The following MTERF3 variants were observed in gnomAD, a reference collection of about 807,000 sequenced individuals.
The protein encoded by MTERF3 is mitochondrial transcription termination factor 3.
A neutral mutation model predicts 40.5 loss-of-function variants in MTERF3; 40 were observed. That is an observed-to-expected ratio of 0.99 (90% CI 0.77 to 1.29). The LOEUF is 1.29. Among genes scored for constraint, MTERF3 ranks in the 50% most tolerant of loss-of-function variants. MTERF3 has a pLI of 0.00. For missense variants in MTERF3, 452 were observed against 478.2 expected, an observed-to-expected ratio of 0.95 and a Z score of 0.51; for synonymous variants, 158 against 166.6, an observed-to-expected ratio of 0.95 and a Z score of 0.40.
intron 1 of MTERF3, among the ~76,000 whole-genome samples, chr8:96,260,467 T>C (rs917594594): frequency 4.1e-5 from 6 of 147,594 alleles, no homozygotes; most frequent in African/African-American, 1.5e-4. Context: ...GGGGGTGGGG[T>C]CAATAACTAT....
chr8:96,247,414 T>A (rs567468276), intron 4 of MTERF3, among the ~76,000 whole-genome samples: 5 of 152,352 alleles, frequency 3.3e-5, no homozygotes, highest in African/African-American at 7.2e-5. Context: ...ATAACATTTT[T>A]AAAAAATCTA....
rs1248463112 is a variant in MTERF3, at chr8:96,257,183, C to G, written c.335-69G>C. 4 of 1,447,544 alleles carry G rather than the reference C, an allele frequency of 2.8e-6. No homozygotes were observed. In the African/African-American group the frequency reaches 5.7e-5, roughly 21 times the overall value. 89.7% of individuals were successfully genotyped at this position (1,447,544 alleles called of 1,614,324 possible). On this transcript the variant is annotated intron_variant, in intron 2 of 7. Coordinates refer to ENST00000287025, the MANE Select transcript of MTERF3 (RefSeq NM_015942.5). The stretch of plus-strand genomic sequence containing the variant: ...AAAACTATTTCTGCAAAGACCAGCT[C>G]TTCCCTTGTTTGCTTCTTTCAGTGG...
intron 4 of MTERF3, 56 bp downstream of exon 4, chr8:96,250,850 A>G (rs1810168725): frequency 1.3e-6 from 2 of 1,498,302 alleles, no homozygotes; most frequent in Non-Finnish European, 1.8e-6. Flanking sequence ...CCTTCCACAT[A>G]TATTTCCTTC....
Position 96,261,514 on chromosome 8 carries a change from T to G in MTERF3, c.-24A>C, listed in dbSNP as rs1447922336. The G allele has an allele frequency of 6.6e-6, 1 of 152,646 alleles. No homozygotes were observed. Among genetic ancestry groups the G allele is most frequent in the Non-Finnish European group, 1.5e-5 (1 of 68,288 alleles). The allele number at this position is 152,646 out of a possible 1,614,324, so 9.5% of individuals were successfully genotyped here. On this transcript the variant is annotated 5_prime_UTR_variant, in exon 1 of 8. Coordinates refer to ENST00000287025, the MANE Select transcript of MTERF3 (RefSeq NM_015942.5). ...CTCCTGCTTTACCTGTGGCGAGGCCTGCTTCCCGTAGCGGGTGACCCCGGG... is the reference window on the plus strand; with the variant it reads ...CTCCTGCTTTACCTGTGGCGAGGCCGGCTTCCCGTAGCGGGTGACCCCGGG...
chr8:96,239,791 G>A, intron 7 of MTERF3, 106 bp from the exon 8 acceptor site: 2 of 777,986 alleles, frequency 2.6e-6, no homozygotes, highest in South Asian at 1.5e-5. Context: ...ACCAAGTACT[G>A]ACCATGTGTT....
At position 96,243,941 on chromosome 8, in the gene MTERF3, T is replaced by C. The variant is rs1809974755; in HGVS notation, c.1037A>G (p.His346Arg). The C allele has an allele frequency of 4.3e-6, 7 of 1,613,946 alleles. No individual in the cohort carries two copies. The highest frequency in any genetic ancestry group is 5.9e-6 in the Non-Finnish European group (7 of 1,179,932). Residue 346 changes from histidine (H) to arginine (R), a missense_variant, in exon 7 of 8, where the codon CAC (histidine) becomes CGC (arginine). Physicochemically the swap from His to Arg is conservative, Grantham distance 29 (BLOSUM62 0). Coordinates refer to ENST00000287025, the MANE Select transcript of MTERF3 (RefSeq NM_015942.5). ...FVHNVMSIPHHIIVKFPQVFN... is the reference protein window; with the variant it reads ...FVHNVMSIPHRIIVKFPQVFN... ...TACCTGTGGGAACTTGACAATGATG[T>C]GGTGGGGAATGCTCATCACATTGTG...
In MTERF3 at chr8:96,258,366, A is replaced by C. The variant is rs766624978; in HGVS notation, c.325T>G (p.Phe109Val). Residue 109 changes from phenylalanine (F) to valine (V), a missense_variant, in exon 2 of 8, where the codon TTT becomes GTT. By Grantham distance (50) the Phe-to-Val change is conservative. Transcript: ENST00000287025. ...QNISSFDSELFLEELDELPPL... is the reference protein window; with the variant it reads ...QNISSFDSELVLEELDELPPL... ...GAAAGTTCAGAATTACCTTCTAGAA[A>C]CAGCTCAGAATCAAAGCTGGATATA... 6.2e-7 allele frequency: 1 copy of C among 1,607,662 alleles called. No homozygotes were observed. Among genetic ancestry groups the C allele is most frequent in the Non-Finnish European group, 8.5e-7 (1 of 1,175,084 alleles).
At position 96,246,330 on chromosome 8, in the gene MTERF3, C is replaced by G. The variant is rs768887665; in HGVS notation, c.802G>C (p.Glu268Gln). ...LDNRLGFFQK[E>Q]LELSVKKTRD... ...ACCTTCTTCACACTAAGTTCAAGTT[C>G]TTTCTGAAAAAATCCCAATCTGTTA... The change falls in exon 5 of 8, where the codon GAA (glutamate) becomes CAA (glutamine). Residue 268 changes from glutamate (E) to glutamine (Q), a missense_variant. Glu to Gln is a conservative substitution (Grantham distance 29). Coordinates refer to ENST00000287025, the MANE Select transcript of MTERF3 (RefSeq NM_015942.5). 4.4e-6 allele frequency: 7 copies of G among 1,605,782 alleles called. No individual in the cohort carries two copies. Among genetic ancestry groups the G allele is most frequent in the African/African-American group, 2.7e-5 (2 of 74,478 alleles).
At chr8:96,242,380 C>G (rs867483819) in intron 7 of MTERF3, among the ~76,000 whole-genome samples, 9 of 152,176 alleles carry the variant, frequency 5.9e-5, no homozygotes, top group African/African-American at 1.9e-4. Flanking sequence ...GAAAGCTCCT[C>G]TCCATCTTTT....
At chr8:96,253,944 G>A (rs1277156979) in intron 3 of MTERF3, among the ~76,000 whole-genome samples, 1 of 152,080 alleles carries the variant, frequency 6.6e-6, no homozygotes, top group Non-Finnish European at 1.5e-5. Context: ...GGAGGTCAAG[G>A]CTGCAATGAG....
At position 96,250,576 on chromosome 8, in the gene MTERF3, T is replaced by C. The variant is rs1004659376; in HGVS notation, c.677+330A>G. ...AAATACAAAAATTAGCCAGGCATGG[T>C]GGCCACCTGTAGTCACCCAGCTACT... On this transcript the variant is annotated intron_variant, in intron 4 of 7. Transcript: ENST00000287025. Among the ~76,000 whole-genome samples, 134 of 137,298 alleles carry C rather than the reference T, an allele frequency of 9.8e-4. 2 individuals are homozygous for C. Among genetic ancestry groups the C allele is most frequent in the Non-Finnish European group, 4.4e-4 (28 of 64,086 alleles). 90.1% of individuals were successfully genotyped at this position (137,298 alleles called of 152,430 possible).
At chr8:96,260,796 G>A (rs970461045) in intron 1 of MTERF3, among the ~76,000 whole-genome samples, 7 of 152,186 alleles carry the variant, frequency 4.6e-5, no homozygotes, top group Non-Finnish European at 1.0e-4. Context: ...AACTGTTCAT[G>A]CACGAGAGCA....
intron 7 of MTERF3, 78 bp from the exon 8 acceptor site, chr8:96,239,763 T>C: frequency 2.8e-6 from 3 of 1,052,898 alleles, no homozygotes; most frequent in African/African-American, 1.6e-5. Context: ...TGGCAAAAAT[T>C]TTAATAGGTT....
chr8:96,260,275 T>G (rs968897669), intron 1 of MTERF3: 1 of 152,242 alleles, frequency 6.6e-6, no homozygotes. Context: ...TGTTAGATTT[T>G]GGTGGGAAAT....
intron 4 of MTERF3, among the ~76,000 whole-genome samples, chr8:96,250,343 TAAGAAAAAAA>T (rs1810105977): frequency 6.7e-6 from 1 of 148,200 alleles, no homozygotes; most frequent in Non-Finnish European, 1.5e-5. Context: ...TTTTTTTTTT[TAAGAAAAAAA>T]CGTATTCCAG....
Position 96,239,448 on chromosome 8 carries a change from A to T in MTERF3, c.*43T>A. 4.4e-6 allele frequency: 6 copies of T among 1,367,032 alleles called. No homozygotes were observed. Among genetic ancestry groups the T allele is most frequent in the Non-Finnish European group, 6.0e-6 (6 of 1,006,074 alleles). The allele number at this position is 1,367,032 out of a possible 1,614,324, so 84.7% of individuals were successfully genotyped here. ...TAAAAATATATTCATTTATTCATAT[A>T]TATATTCACTTTACAATACTGCATT... On this transcript the variant is annotated 3_prime_UTR_variant, in exon 8 of 8. Transcript: ENST00000287025.
At chr8:96,246,040 A>G (rs1810015105) in intron 5 of MTERF3, 109 bp from the exon 6 acceptor site, 2 of 1,041,266 alleles carry the variant, frequency 1.9e-6, no homozygotes, top group African/African-American at 1.6e-5. Context: ...ATATGACCCA[A>G]TCAGAAAAAT....
At chr8:96,261,049 A>C (rs1810375985) in intron 1 of MTERF3, among the ~76,000 whole-genome samples, 1 of 152,232 alleles carries the variant, frequency 6.6e-6, no homozygotes, top group South Asian at 2.1e-4. Flanking sequence ...AAAACCCTTA[A>C]AGAAACTGAA....
intron 4 of MTERF3, among the ~76,000 whole-genome samples, chr8:96,250,107 G>A (rs1201936622): frequency 6.6e-6 from 1 of 152,112 alleles, no homozygotes; most frequent in African/African-American, 2.4e-5. Flanking sequence ...TTCTTTGAAT[G>A]TTGAATGAAG....
Sources: allele counts gnomAD v4.1 joint callset (sites outside exome capture counted in the v4.1 genomes callset), GRCh38; gene constraint gnomAD v4.1.1; transcripts MANE v1.5; gene names NCBI Gene and HGNC (gene_info 2026-07-23, HGNC 2026-07-21).